RELCH: variants seen among roughly 807,000 people sequenced by gnomAD.
RELCH encodes RAB11 binding and LisH domain, coiled-coil and HEAT repeat containing.
In RELCH, 41 loss-of-function variants were observed where a neutral mutation model predicts 150.3. That is an observed-to-expected ratio of 0.27 (90% CI 0.21 to 0.35). RELCH has a LOEUF of 0.35. RELCH is among the 10% of genes least tolerant of loss of function. The probability of loss-of-function intolerance (pLI) is 1.00; values close to 1 mark genes in which losing one functional copy is unlikely to be tolerated. For synonymous variants in RELCH, 478 were observed against 531.8 expected, an observed-to-expected ratio of 0.90 and a Z score of 1.39; for missense variants, 1,092 against 1,467.8, an observed-to-expected ratio of 0.74 and a Z score of 4.18.
chr18:62,305,430 G>A lies in RELCH; in HGVS notation c.3547G>A (p.Ala1183Thr). 12 of 1,604,790 alleles carry A rather than the reference G, an allele frequency of 7.5e-6. No individual in the cohort carries two copies. Among genetic ancestry groups the A allele is most frequent in the Non-Finnish European group, 8.5e-6 (10 of 1,175,876 alleles). Reference protein sequence around the residue: ...QEPQGSMSIAASLVSEDTKTK... With the variant: ...QEPQGSMSIATSLVSEDTKTK... ...CTTTCCTAGCTCAATGTCAATTGCTGCAAGCTTAGTGAGTGAAGATACAAA... is the reference window on the plus strand; with the variant it reads ...CTTTCCTAGCTCAATGTCAATTGCTACAAGCTTAGTGAGTGAAGATACAAA... The change falls in exon 29 of 29, where the codon GCA becomes ACA. Residue 1183 changes from alanine to threonine, a missense_variant. Around this residue, in one of 4 missense-constraint regions of RELCH, gnomAD observed 707 missense variants for 1,025.4 expected, o/e 0.69. Coordinates refer to ENST00000644646, the MANE Select transcript of RELCH (RefSeq NM_001346231.2). This position sits in a 1 kb window ranked among gnomAD's most constrained non-coding sequence, Gnocchi z 4.0.
intron 20 of RELCH, among the ~76,000 whole-genome samples, chr18:62,270,741 C>A (rs1341255665): frequency 6.6e-6 from 1 of 151,994 alleles, no homozygotes; most frequent in East Asian, 1.9e-4. Flanking sequence ...GTTTGCTGCA[C>A]CCCTTAACTT....
intron 5 of RELCH, 142 bp downstream of exon 5, chr18:62,221,639 T>C: frequency 2.2e-6 from 1 of 453,392 alleles, no homozygotes; most frequent in Non-Finnish European, 3.9e-6. Context: ...AGCAGTCTCT[T>C]GCCTGAAGCT....
chr18:62,223,167 T>C (rs1302978420), intron 5 of RELCH, among the ~76,000 whole-genome samples: 3 of 151,394 alleles, frequency 2.0e-5, no homozygotes, highest in African/African-American at 7.3e-5. Flanking sequence ...CAGAAAACAA[T>C]AGAGAAAAAT....
Position 62,187,501 on chromosome 18 carries a change from A to T in RELCH, c.-5A>T. On this transcript the variant is annotated 5_prime_UTR_variant, in exon 1 of 29. Coordinates refer to ENST00000644646, the MANE Select transcript of RELCH (RefSeq NM_001346231.2). The stretch of plus-strand genomic sequence containing the variant: ...GGGAGGCGCCCACACTCCTGACAGG[A>T]TAAGATGGCGGCGATGGCGCCTGGA... 1 of 1,513,380 alleles carries T rather than the reference A, an allele frequency of 6.6e-7. No homozygotes were observed. Among genetic ancestry groups the T allele is most frequent in the Non-Finnish European group, 8.8e-7 (1 of 1,131,710 alleles). The allele number at this position is 1,513,380 out of a possible 1,614,324, so 93.7% of individuals were successfully genotyped here. A position where few individuals can be genotyped will look rare whatever the true frequency, so the allele number is the denominator to read the frequency against.
chr18:62,275,877 T>C (rs543744573), intron 22 of RELCH, among the ~76,000 whole-genome samples: 1 of 152,288 alleles, frequency 6.6e-6, no homozygotes, highest in African/African-American at 2.4e-5. Context: ...AATCAATTAT[T>C]GAAATTATGG....
intron 1 of RELCH, among the ~76,000 whole-genome samples, chr18:62,208,577 G>A (rs1386803341): frequency 6.6e-6 from 1 of 152,048 alleles, no homozygotes; most frequent in Non-Finnish European, 1.5e-5. Context: ...GTGTTACGGG[G>A]ATTTGTTGTA....
intron 20 of RELCH, among the ~76,000 whole-genome samples, chr18:62,271,873 G>A (rs1187930585): frequency 1.3e-5 from 2 of 152,058 alleles, no homozygotes; most frequent in African/African-American, 2.4e-5. Context: ...GTTTTTGTCA[G>A]GTTTGTCAAA....
chr18:62,289,395 G>T (rs760734641), intron 26 of RELCH, among the ~76,000 whole-genome samples: 10 of 152,098 alleles, frequency 6.6e-5, no homozygotes, highest in Non-Finnish European at 1.5e-4. Context: ...TTTTAATACA[G>T]ACATTAGAAA....
At chr18:62,227,782 A>C in intron 7 of RELCH, 93 bp downstream of exon 7, 1 of 568,072 alleles carries the variant, frequency 1.8e-6, no homozygotes, top group Non-Finnish European at 3.1e-6. Context: ...TTCCAGTTGC[A>C]AGGCATAATT....
chr18:62,281,388 A>G (rs1319086213), intron 24 of RELCH, among the ~76,000 whole-genome samples: 1 of 152,230 alleles, frequency 6.6e-6, no homozygotes, highest in Admixed American at 6.5e-5. Context: ...ATTGGTATGA[A>G]GCTGTAAAAG....
intron 15 of RELCH, among the ~76,000 whole-genome samples, chr18:62,260,356 A>G (rs923317842): frequency 6.7e-6 from 1 of 148,940 alleles, no homozygotes; most frequent in Non-Finnish European, 1.5e-5. Context: ...CCCAGTTGAA[A>G]TGACTATTAT....
At chr18:62,264,989 T>C (rs892967644) in intron 18 of RELCH, 137 bp downstream of exon 18, 1 of 665,946 alleles carries the variant, frequency 1.5e-6, no homozygotes, top group Non-Finnish European at 2.3e-6. Context: ...AATACTATGA[T>C]AGTAAAAAAA....
At chr18:62,211,264 G>T in intron 2 of RELCH, 22 bp downstream of exon 2, 1 of 1,417,912 alleles carries the variant, frequency 7.1e-7, no homozygotes, top group Non-Finnish European at 9.9e-7. Flanking sequence ...TGTAAGGACA[G>T]ATTTGGATTC....
chr18:62,289,919 C>G (rs913034259), intron 26 of RELCH, among the ~76,000 whole-genome samples: 1 of 152,286 alleles, frequency 6.6e-6, no homozygotes, highest in East Asian at 1.9e-4. Context: ...TTCTCTAGAT[C>G]AGACTCTTAA....
intron 10 of RELCH, among the ~76,000 whole-genome samples, chr18:62,233,916 A>C (rs1488122599): frequency 6.6e-6 from 1 of 151,996 alleles, no homozygotes; most frequent in Non-Finnish European, 1.5e-5. Context: ...TTATACATAC[A>C]GATTATCTAC....
intron 8 of RELCH, among the ~76,000 whole-genome samples, chr18:62,229,114 C>T (rs2041396119): frequency 6.6e-6 from 1 of 151,944 alleles, no homozygotes; most frequent in Admixed American, 6.6e-5. Flanking sequence ...ATGGTCCCTG[C>T]ACTTTGTGAT....
At chr18:62,246,283 T>A (rs1360912675) in intron 11 of RELCH, 1 of 152,366 alleles carries the variant, frequency 6.6e-6, no homozygotes, top group Non-Finnish European at 1.5e-5. Flanking sequence ...GTAATCTCAG[T>A]AAGCGTCTTT....
chr18:62,235,806 T>C (rs970924723), intron 10 of RELCH, among the ~76,000 whole-genome samples: 4 of 152,054 alleles, frequency 2.6e-5, no homozygotes, highest in African/African-American at 9.7e-5. Flanking sequence ...ATCTTAAATC[T>C]TGCAACTTTG....
At chr18:62,220,037 C>T (rs186556479) in intron 2 of RELCH, among the ~76,000 whole-genome samples, 1 of 152,140 alleles carries the variant, frequency 6.6e-6, no homozygotes, top group East Asian at 1.9e-4. Flanking sequence ...CAGAGCTTTA[C>T]TTCTCAGAAA....
Sources: gnomAD v4.1 joint callset for allele counts (sites outside exome capture counted in the v4.1 genomes callset) on GRCh38, gnomAD v4.1.1 for gene constraint, gnomAD v4.1.1 regional missense constraint, Gnocchi (gnomAD v3.1) non-coding constraint, MANE v1.5 for transcripts, NCBI Gene and HGNC (gene_info 2026-07-23, HGNC 2026-07-21) for gene names.